RPTOR: variants seen among roughly 807,000 people sequenced by gnomAD.
RPTOR encodes the protein regulatory associated protein of MTOR complex 1.
In RPTOR, 21 loss-of-function variants were observed where a neutral mutation model predicts 169.9. The observed-to-expected ratio is 0.12, with a 90% CI of 0.09 to 0.18. RPTOR has a LOEUF of 0.18. Among genes scored for constraint, RPTOR ranks in the 10% least tolerant of loss-of-function variants. The pLI, the probability that RPTOR is intolerant of heterozygous loss-of-function variation, is 1.00. For synonymous variants in RPTOR, 732 were observed against 753.2 expected (o/e 0.97, Z 0.46); for missense variants, 1,133 against 1,855.9 (o/e 0.61, Z 7.16).
Position 80,875,715 on chromosome 17 carries a change from T to C in RPTOR, c.1510-4700T>C, listed in dbSNP as rs535284413. Reference sequence around the variant, plus strand: ...GGATGTGTGTGTCGCCTGCCGGGTCTTCCACCGAGCCCGTGCCACGCAGGG... The same window carrying C: ...GGATGTGTGTGTCGCCTGCCGGGTCCTCCACCGAGCCCGTGCCACGCAGGG... On this transcript the variant is annotated intron_variant, in intron 13 of 33. Transcript: ENST00000306801. Among the ~76,000 whole-genome samples the C allele has an allele frequency of 2.0e-5, 3 of 151,780 alleles. No individual in the cohort carries two copies. The South Asian group carries it at 6.3e-4, about 32-fold the overall frequency.
chr17:80,848,129 G>A (rs1309687633), intron 11 of RPTOR, among the ~76,000 whole-genome samples: 2 of 152,200 alleles, frequency 1.3e-5, no homozygotes, highest in Non-Finnish European at 2.9e-5. Context: ...TGTCCTCGCC[G>A]GCATTGTCTC....
chr17:80,904,161 G>A (rs539595942), intron 20 of RPTOR, among the ~76,000 whole-genome samples: 14 of 152,326 alleles, frequency 9.2e-5, no homozygotes, highest in East Asian at 3.9e-4. Flanking sequence ...AGGGCGGAGC[G>A]GCTGGTCAGC....
intron 16 of RPTOR, among the ~76,000 whole-genome samples, chr17:80,884,469 T>C (rs2068220336): frequency 6.6e-6 from 1 of 152,188 alleles, no homozygotes; most frequent in South Asian, 2.1e-4. Flanking sequence ...GTTGCTCATT[T>C]TTAGAGCTGA....
chr17:80,842,003 G>T (rs938023840), intron 10 of RPTOR, among the ~76,000 whole-genome samples: 3 of 151,244 alleles, frequency 2.0e-5, no homozygotes, highest in Non-Finnish European at 4.4e-5. Flanking sequence ...TCACCCCACC[G>T]CAGCTCACTC....
At position 80,696,844 on chromosome 17, in the gene RPTOR, G is replaced by A. The variant is rs554547881; in HGVS notation, c.349-10997G>A. On this transcript the variant is annotated intron_variant, in intron 3 of 33. Coordinates refer to ENST00000306801, the MANE Select transcript of RPTOR (RefSeq NM_020761.3). ...GGTGTGTCACCTTGAGGGGAACACG[G>A]TGGCACCCAGGCAAGGGTGCCCATG... Among the ~76,000 whole-genome samples, 18 of 152,320 alleles carry A rather than the reference G, an allele frequency of 1.2e-4. No homozygotes were observed. The South Asian group carries it at 3.5e-3, about 30-fold the overall frequency.
chr17:80,804,104 G>A (rs1159126936), intron 7 of RPTOR, among the ~76,000 whole-genome samples: 1 of 152,242 alleles, frequency 6.6e-6, no homozygotes, highest in Admixed American at 6.5e-5. Context: ...ATCAGATGGG[G>A]AAACTGAGGC....
At chr17:80,597,478 A>G (rs753039997) in intron 1 of RPTOR, among the ~76,000 whole-genome samples, 1 of 152,140 alleles carries the variant, frequency 6.6e-6, no homozygotes, top group Non-Finnish European at 1.5e-5. Context: ...GGGAGCAGTG[A>G]AAGTTTTAAA....
intron 2 of RPTOR, among the ~76,000 whole-genome samples, chr17:80,634,392 C>CGTGTGCATACCGTGTGT (rs1269265037): frequency 5.6e-5 from 2 of 35,730 alleles, no homozygotes; most frequent in East Asian, 9.1e-4. Flanking sequence ...ATACTGTGTG[C>CGTGTGCATACCGTGTGT]GTGTGCATAC....
chr17:80,919,482 CTGACTG>C (rs2068718740), intron 21 of RPTOR, among the ~76,000 whole-genome samples: 1 of 152,230 alleles, frequency 6.6e-6, no homozygotes, highest in Non-Finnish European at 1.5e-5. Flanking sequence ...ATCCGCAGCC[CTGACTG>C]TGTCAAGATC....
At chr17:80,921,543 G>A (rs116109347) in intron 21 of RPTOR, among the ~76,000 whole-genome samples, 3,840 of 152,308 alleles carry the variant, frequency 0.025, 148 homozygotes, top group African/African-American at 0.088. Context: ...GCTCACTAAC[G>A]CCGACAGCTG....
chr17:80,572,535 A>G (rs1332838206), intron 1 of RPTOR, among the ~76,000 whole-genome samples: 2 of 152,158 alleles, frequency 1.3e-5, no homozygotes, highest in African/African-American at 2.4e-5. Context: ...CCTGGGCAAC[A>G]TAGTGAAACC....
chr17:80,675,752 A>G (rs1298139059), intron 3 of RPTOR, among the ~76,000 whole-genome samples: 1 of 152,156 alleles, frequency 6.6e-6, no homozygotes. Context: ...TCACACCAGC[A>G]CATCCGTGAA....
chr17:80,682,555 G>A (rs1037189132), intron 3 of RPTOR, among the ~76,000 whole-genome samples: 9 of 152,240 alleles, frequency 5.9e-5, no homozygotes, highest in Non-Finnish European at 1.2e-4. Flanking sequence ...TGGGAGTGAT[G>A]TGGCCACAGG....
intron 13 of RPTOR, among the ~76,000 whole-genome samples, chr17:80,859,228 G>T (rs1386071423): frequency 6.6e-6 from 1 of 152,234 alleles, no homozygotes; most frequent in Non-Finnish European, 1.5e-5. Context: ...GACCCTCGAA[G>T]GAAAATGTGG....
At chr17:80,880,290 C>A (rs2068171829) in intron 13 of RPTOR, 125 bp from the exon 14 acceptor site, 2 of 804,234 alleles carry the variant, frequency 2.5e-6, no homozygotes, top group Admixed American at 1.9e-5. Flanking sequence ...GAAAACTGGG[C>A]TTGAAAGGAG....
intron 1 of RPTOR, among the ~76,000 whole-genome samples, chr17:80,549,802 T>C (rs2084323122): frequency 6.6e-6 from 1 of 152,208 alleles, no homozygotes; most frequent in East Asian, 1.9e-4. Context: ...ACAGACACTC[T>C]GTCTACATGC....
intron 3 of RPTOR, among the ~76,000 whole-genome samples, chr17:80,685,627 A>ATATATATATATATATATTTT (rs1269766086): frequency 3.3e-5 from 1 of 30,684 alleles, no homozygotes; most frequent in Non-Finnish European, 5.4e-5. Flanking sequence ...ATATATATAT[A>ATATATATATATATATATTTT]TTTTTTTTTT....
At chr17:80,779,697 G>A (rs1458581620) in intron 6 of RPTOR, among the ~76,000 whole-genome samples, 1 of 152,096 alleles carries the variant, frequency 6.6e-6, no homozygotes, top group Non-Finnish European at 1.5e-5. Flanking sequence ...CATAGACCAG[G>A]AACACAAGCA....
chr17:80,918,444 GAGTCATAGCCACGAGCACCCTCGCC>G (rs2068701829), intron 21 of RPTOR, among the ~76,000 whole-genome samples: 5 of 124,666 alleles, frequency 4.0e-5, no homozygotes, highest in African/African-American at 1.6e-4. Flanking sequence ...ACCCTCGCCG[GAGTCATAGCCACGAGCACCCTCGCC>G]GGAGTCATAG....
Sources: gnomAD v4.1 joint callset for allele counts (sites outside exome capture counted in the v4.1 genomes callset) on GRCh38, gnomAD v4.1.1 for gene constraint, MANE v1.5 for transcripts, NCBI Gene and HGNC (gene_info 2026-07-23, HGNC 2026-07-21) for gene names.